The following MTCL1 variants were observed in gnomAD, a reference collection of about 807,000 sequenced individuals.
MTCL1 encodes microtubule crosslinking factor 1, also known as microtubule cross-linking factor 1.
A neutral mutation model predicts 141.4 loss-of-function variants in MTCL1; 79 were observed. The observed-to-expected ratio is 0.56, with a 90% CI of 0.47 to 0.67. The LOEUF (loss-of-function observed/expected upper bound fraction) is 0.67. Ranked by LOEUF, MTCL1 falls within the 30% of genes least tolerant of loss-of-function variation. MTCL1 has a pLI of 0.00. For synonymous variants in MTCL1, 914 were observed against 875.8 expected (o/e 1.04, Z -0.77); for missense variants, 2,177 against 2,113.9 (o/e 1.03, Z -0.59).
At chr18:8,803,573 G>T (rs796309611) in intron 10 of MTCL1, among the ~76,000 whole-genome samples, 1 of 152,154 alleles carries the variant, frequency 6.6e-6, no homozygotes, top group African/African-American at 2.4e-5. Context: ...GCCGTTGTGT[G>T]CTAATGGCAG....
At chr18:8,709,577 G>A (rs2148752713) in intron 1 of MTCL1, among the ~76,000 whole-genome samples, 1 of 152,256 alleles carries the variant, frequency 6.6e-6, no homozygotes, top group Middle Eastern at 3.4e-3. Flanking sequence ...TAACTCTCAG[G>A]ATTAGGTATA....
At chr18:8,720,117 C>T in intron 3 of MTCL1, 1 of 495,164 alleles carries the variant, frequency 2.0e-6, no homozygotes, top group Non-Finnish European at 3.6e-6. Context: ...GATAATGCAC[C>T]ACCATCAGAC....
At chr18:8,784,162 C>A (rs1179892921) in exon 6 of MTCL1, 1 of 1,613,772 alleles carries the variant, frequency 6.2e-7, no homozygotes. Flanking sequence ...AGCTCAGCGG[C>A]AAGGTGCTCA....
At chr18:8,712,651 G>C (rs1452756356), upstream of MTCL1, among the ~76,000 whole-genome samples, 1 of 152,228 alleles carries the variant, frequency 6.6e-6, no homozygotes, top group Non-Finnish European at 1.5e-5. Context: ...TTCAGTGGCA[G>C]TTAATGTAGA....
At chr18:8,818,731 G>C (rs937643877) in intron 12 of MTCL1, among the ~76,000 whole-genome samples, 1 of 152,206 alleles carries the variant, frequency 6.6e-6, no homozygotes, top group African/African-American at 2.4e-5. Context: ...CACCATACTC[G>C]TACGTGGTTA....
chr18:8,803,528 G>A (rs960833821), intron 10 of MTCL1, among the ~76,000 whole-genome samples: 4 of 152,114 alleles, frequency 2.6e-5, no homozygotes, highest in African/African-American at 7.2e-5. Context: ...GCCCATTCTG[G>A]GTCTTCAGAA....
At chr18:8,804,059 T>C (rs1370056898) in intron 10 of MTCL1, among the ~76,000 whole-genome samples, 1 of 152,204 alleles carries the variant, frequency 6.6e-6, no homozygotes, top group South Asian at 2.1e-4. Context: ...AAAATTATTA[T>C]AATTATTTTC....
intron 4 of MTCL1, among the ~76,000 whole-genome samples, chr18:8,770,724 A>C (rs1228468135): frequency 6.6e-6 from 1 of 152,188 alleles, no homozygotes; most frequent in African/African-American, 2.4e-5. Context: ...CCCAACACAT[A>C]TGGTAGTTGT....
At chr18:8,727,007 G>T (rs539078165) in intron 4 of MTCL1, among the ~76,000 whole-genome samples, 25 of 152,172 alleles carry the variant, frequency 1.6e-4, no homozygotes, top group African/African-American at 6.0e-4. Flanking sequence ...TTGTGTCTAT[G>T]TTTACCCATT....
intron 4 of MTCL1, among the ~76,000 whole-genome samples, chr18:8,762,643 C>T (rs561967193): frequency 1.4e-4 from 21 of 152,346 alleles, no homozygotes; most frequent in African/African-American, 5.1e-4. Flanking sequence ...CCCTTGAGGA[C>T]AGAGCGGCTG....
intron 10 of MTCL1, among the ~76,000 whole-genome samples, chr18:8,805,824 T>C (rs551878433): frequency 4.5e-4 from 69 of 152,270 alleles, no homozygotes; most frequent in Non-Finnish European, 7.9e-4. Flanking sequence ...TCCGTGCTGG[T>C]TGGAAGAGAT....
exon 10 of MTCL1, chr18:8,798,264 C>T (rs1326150272): frequency 7.7e-6 from 12 of 1,567,828 alleles, no homozygotes; most frequent in East Asian, 2.4e-5. Flanking sequence ...GGCTGCAGAC[C>T]GCGGACAGGG....
rs149938477 is a variant in MTCL1, at chr18:8,759,050, C to T, written c.358-18783C>T. Among the ~76,000 whole-genome samples the T allele has an allele frequency of 6.5e-4, 99 of 152,240 alleles. 1 individual carries two copies. The highest frequency in any genetic ancestry group is 2.1e-3 in the African/African-American group (88 of 41,542). The stretch of plus-strand genomic sequence containing the variant: ...GTGTGGAGAGCATCCTGGAGGAAAA[C>T]GGGGATGTTGTTACTGTTTGCAATT... On this transcript the variant is annotated intron_variant, in intron 4 of 16. Coordinates refer to ENST00000359865, the Ensembl canonical transcript of MTCL1.
intron 4 of MTCL1, among the ~76,000 whole-genome samples, chr18:8,771,484 C>T (rs2096485014): frequency 6.6e-6 from 1 of 152,190 alleles, no homozygotes; most frequent in South Asian, 2.1e-4. Context: ...CGTTCCCATA[C>T]TGACTTATAA....
At chr18:8,788,952 T>A (rs1236865593) in intron 7 of MTCL1, among the ~76,000 whole-genome samples, 1 of 152,242 alleles carries the variant, frequency 6.6e-6, no homozygotes, top group Non-Finnish European at 1.5e-5. Context: ...GGGGTTCCCA[T>A]CAAATGTGAG....
chr18:8,770,344 A>G (rs1402669588), intron 4 of MTCL1, among the ~76,000 whole-genome samples: 1 of 152,274 alleles, frequency 6.6e-6, no homozygotes, highest in Non-Finnish European at 1.5e-5. Flanking sequence ...GTAACAAAAT[A>G]TCACAGGCTA....
At chr18:8,806,978 G>A (rs376928119) in exon 11 of MTCL1, 16 of 1,613,658 alleles carry the variant, frequency 9.9e-6, no homozygotes, top group Middle Eastern at 1.6e-4. Flanking sequence ...GAGCGTGCCC[G>A]ACTACGGCTG....
In MTCL1 at chr18:8,830,588, T is replaced by C. The variant is rs1345652031; in HGVS notation, c.*19-1019T>C. On this transcript the variant is annotated intron_variant, in intron 16 of 16. Transcript: ENST00000359865. The surrounding 1 kb of genome is among the most constrained non-coding windows in gnomAD (Gnocchi z 6.4). ...TCATCCTGGTCTTTTCAGTTGCTTGTCACATCTTTTTAAATCCTCCAACTC... is the reference window on the plus strand; with the variant it reads ...TCATCCTGGTCTTTTCAGTTGCTTGCCACATCTTTTTAAATCCTCCAACTC... The C allele has an allele frequency of 6.1e-6, 6 of 985,882 alleles. No individual in the cohort carries two copies. Among genetic ancestry groups the C allele is most frequent in the Non-Finnish European group, 7.2e-6 (6 of 830,362 alleles). The allele number at this position is 985,882 out of a possible 1,614,324, so 61.1% of individuals were successfully genotyped here. A position where few individuals can be genotyped will look rare whatever the true frequency, so the allele number is the denominator to read the frequency against.
rs2096057225 is a variant in MTCL1, at chr18:8,705,924, G to A, written c.264G>A (p.Pro88=). The A allele has an allele frequency of 5.5e-6, 6 of 1,086,272 alleles. No individual in the cohort carries two copies. Among genetic ancestry groups the A allele is most frequent in the Non-Finnish European group, 6.7e-6 (6 of 897,000 alleles). The allele number at this position is 1,086,272 out of a possible 1,614,324, so 67.3% of individuals were successfully genotyped here. ...TCGCGGGCAAAGCGCCGCCCTCGCC[G>A]GGGTCCCTGGCCGCGCCCGGCCGCC... Residue 88 remains proline (P), a synonymous_variant, in exon 1 of 14, where the codon CCG becomes CCA. Transcript: ENST00000306329. The surrounding 1 kb of genome is among the most constrained non-coding windows in gnomAD (Gnocchi z 5.2).
Sources: gnomAD v4.1 joint callset for allele counts (sites outside exome capture counted in the v4.1 genomes callset) on GRCh38, gnomAD v4.1.1 for gene constraint, Gnocchi (gnomAD v3.1) non-coding constraint, MANE v1.5 for transcripts, NCBI Gene and HGNC (gene_info 2026-07-23, HGNC 2026-07-21) for gene names.